Variants in PDE6H observed in about 807,000 individuals in gnomAD.
PDE6H encodes the protein phosphodiesterase 6H, also known as retinal cone rhodopsin-sensitive cGMP 3',5'-cyclic phosphodiesterase subunit gamma.
PDE6H carries 11 observed loss-of-function variants against 9.2 expected under a neutral mutation model. That is an observed-to-expected ratio of 1.19 (90% CI 0.75 to 1.97). PDE6H has a LOEUF of 1.97. Among genes scored for constraint, PDE6H ranks in the 30% most tolerant of loss-of-function variants. The probability of loss-of-function intolerance (pLI) is 0.00; values close to 1 mark genes in which losing one functional copy is unlikely to be tolerated. For synonymous variants in PDE6H, 36 were observed against 33.6 expected, an observed-to-expected ratio of 1.07 and a Z score of -0.25; for missense variants, 98 against 101.5, an observed-to-expected ratio of 0.97 and a Z score of 0.15.
At chr12:14,977,341 T>TA (rs1173382760) in intron 1 of PDE6H, among the ~76,000 whole-genome samples, 1 of 152,064 alleles carries the variant, frequency 6.6e-6, no homozygotes, top group East Asian at 1.9e-4. Flanking sequence ...TGAAGGACTA[T>TA]AAAAAAACAG....
chr12:14,976,450 T>C (rs1011979311), intron 1 of PDE6H, among the ~76,000 whole-genome samples: 2 of 151,638 alleles, frequency 1.3e-5, no homozygotes, highest in African/African-American at 4.8e-5. Context: ...GAATATGAGG[T>C]TTCAGGAATA....
In PDE6H at chr12:14,981,808, C is replaced by A; in HGVS notation, c.*332C>A. On this transcript the variant is annotated 3_prime_UTR_variant, in exon 4 of 4. Coordinates refer to ENST00000266395, the MANE Select transcript of PDE6H (RefSeq NM_006205.3). ...TATGATTAATAGTAGACTTTTAAGA[C>A]AACATTTATGTCACTCCCCACCTCC... is the stretch of plus-strand genomic sequence containing the variant. 2.5e-6 allele frequency: 1 copy of A among 396,102 alleles called. No homozygotes were observed. Among genetic ancestry groups the A allele is most frequent in the South Asian group, 2.4e-5 (1 of 41,816 alleles). 24.5% of individuals were successfully genotyped at this position (396,102 alleles called of 1,614,324 possible).
intron 2 of PDE6H, 139 bp from the exon 3 acceptor site, chr12:14,979,040 G>T (rs899408050): frequency 8.6e-6 from 6 of 697,496 alleles, no homozygotes; most frequent in Non-Finnish European, 1.6e-5. Context: ...CCAGTTCAGG[G>T]CAAACTAAAG....
At chr12:14,979,128 A>G in intron 2 of PDE6H, 51 bp from the exon 3 acceptor site, 2 of 1,318,834 alleles carry the variant, frequency 1.5e-6, no homozygotes, top group Non-Finnish European at 2.2e-6. Flanking sequence ...AGTGACTCCA[A>G]AATTCTTTTG....
At chr12:14,979,657 C>A (rs1227104259) in intron 3 of PDE6H, among the ~76,000 whole-genome samples, 1 of 152,146 alleles carries the variant, frequency 6.6e-6, no homozygotes, top group Non-Finnish European at 1.5e-5. Flanking sequence ...CCTGGCAAAC[C>A]ACTTCCTTAC....
intron 3 of PDE6H, among the ~76,000 whole-genome samples, chr12:14,980,163 T>C (rs1426675789): frequency 2.6e-5 from 4 of 152,196 alleles, no homozygotes; most frequent in African/African-American, 9.6e-5. Flanking sequence ...ACCCCAGACA[T>C]CCACTAATGT....
intron 1 of PDE6H, among the ~76,000 whole-genome samples, chr12:14,976,770 C>A (rs954996551): frequency 6.6e-6 from 1 of 151,950 alleles, no homozygotes; most frequent in Non-Finnish European, 1.5e-5. Context: ...GAGACAAAGC[C>A]CCCACACACT....
At chr12:14,979,036 C>A in intron 2 of PDE6H, 143 bp from the exon 3 acceptor site, 1 of 690,806 alleles carries the variant, frequency 1.4e-6, no homozygotes. Flanking sequence ...TGCTCCAGTT[C>A]AGGGCAAACT....
intron 3 of PDE6H, among the ~76,000 whole-genome samples, chr12:14,979,740 T>C (rs912184064): frequency 2.0e-5 from 3 of 152,222 alleles, no homozygotes; most frequent in Non-Finnish European, 4.4e-5. Flanking sequence ...CAATATAATT[T>C]TAAAAATTGG....
Position 14,981,734 on chromosome 12 carries a change from A to C in PDE6H, c.*258A>C. The C allele has an allele frequency of 3.5e-6, 2 of 566,304 alleles. No homozygotes were observed. Among genetic ancestry groups the C allele is most frequent in the Non-Finnish European group, 6.3e-6 (2 of 317,016 alleles). The allele number at this position is 566,304 out of a possible 1,614,324, so 35.1% of individuals were successfully genotyped here. A position where few individuals can be genotyped will look rare whatever the true frequency, so the allele number is the denominator to read the frequency against. On this transcript the variant is annotated 3_prime_UTR_variant, in exon 4 of 4. Coordinates refer to ENST00000266395, the MANE Select transcript of PDE6H (RefSeq NM_006205.3). Reference sequence around the variant, plus strand: ...TTAGAAGTCATCAATATTTCTCTACATTTTGTTTATCTGTAAGTCCTTTAA... The same window carrying C: ...TTAGAAGTCATCAATATTTCTCTACCTTTTGTTTATCTGTAAGTCCTTTAA...
intron 2 of PDE6H, among the ~76,000 whole-genome samples, chr12:14,978,968 A>G (rs761075114): frequency 1.8e-4 from 27 of 152,230 alleles, no homozygotes; most frequent in Non-Finnish European, 3.4e-4. Flanking sequence ...AAGTTCCTAC[A>G]GGAGAGAAAT....
chr12:14,977,876 G>T, intron 1 of PDE6H, 96 bp from the exon 2 acceptor site: 1 of 797,710 alleles, frequency 1.3e-6, no homozygotes. Flanking sequence ...CTTTCTTGTT[G>T]AAGTACTTTT....
chr12:14,981,028 C>T (rs546193793), intron 3 of PDE6H, among the ~76,000 whole-genome samples: 1 of 152,320 alleles, frequency 6.6e-6, no homozygotes, highest in East Asian at 1.9e-4. Flanking sequence ...CAGGGAGATT[C>T]AAAGTGCTCC....
chr12:14,974,868 TG>T, intron 1 of PDE6H, among the ~76,000 whole-genome samples: 1 of 152,240 alleles, frequency 6.6e-6, no homozygotes, highest in East Asian at 1.9e-4. Flanking sequence ...ACCACAGATT[TG>T]TTTGCATGGC....
intron 3 of PDE6H, among the ~76,000 whole-genome samples, chr12:14,980,769 C>G (rs901167834): frequency 2.6e-5 from 4 of 152,208 alleles, no homozygotes; most frequent in African/African-American, 9.6e-5. Flanking sequence ...TTTGACCTGG[C>G]TCTAGTCTCA....
chr12:14,975,965 T>A (rs11832908), intron 1 of PDE6H, among the ~76,000 whole-genome samples: 4 of 151,140 alleles, frequency 2.6e-5, no homozygotes, highest in Non-Finnish European at 5.9e-5. Context: ...GGACTACAGG[T>A]GCCCGCCACC....
intron 1 of PDE6H, among the ~76,000 whole-genome samples, chr12:14,977,236 C>A (rs1379004870): frequency 1.3e-5 from 2 of 152,180 alleles, no homozygotes; most frequent in African/African-American, 4.8e-5. Context: ...TCCTCCTGTC[C>A]AGACAACTAC....
intron 3 of PDE6H, among the ~76,000 whole-genome samples, chr12:14,980,424 C>T (rs1020103119): frequency 1.3e-5 from 2 of 152,136 alleles, no homozygotes; most frequent in Non-Finnish European, 2.9e-5. Flanking sequence ...GAATAAAATG[C>T]CCCTAAATAT....
In PDE6H at chr12:14,977,384, G is replaced by A. The variant is rs913560204; in HGVS notation, c.-41-588G>A. On this transcript the variant is annotated intron_variant, in intron 1 of 3. Transcript: ENST00000266395. ...AAAAAATGCTCAATAAACATTTAGA[G>A]TCAGGTTATTTTACAGCTGGATGGA... is the stretch of plus-strand genomic sequence containing the variant. Among the ~76,000 whole-genome samples, 8 of 152,166 alleles carry A rather than the reference G, an allele frequency of 5.3e-5. No homozygotes were observed. In the South Asian group the frequency reaches 1.2e-3, roughly 24 times the overall value.
Sources: gnomAD v4.1 joint callset for allele counts (sites outside exome capture counted in the v4.1 genomes callset) on GRCh38, gnomAD v4.1.1 for gene constraint, MANE v1.5 for transcripts, NCBI Gene and HGNC (gene_info 2026-07-23, HGNC 2026-07-21) for gene names.